TYMS: variants seen among roughly 807,000 people sequenced by gnomAD.
The protein encoded by TYMS is thymidylate synthetase.
A neutral mutation model predicts 39.3 loss-of-function variants in TYMS; 21 were observed. That is an observed-to-expected ratio of 0.54 (90% confidence interval 0.38 to 0.77). TYMS has a LOEUF of 0.77. Among genes scored for constraint, TYMS ranks in the 30% least tolerant of loss-of-function variants. The pLI is 0.00. For missense variants in TYMS, 273 were observed against 406.7 expected (o/e 0.67, Z 2.83); for synonymous variants, 171 against 162.2 (o/e 1.05, Z -0.41).
chr18:670,668 T>TATCTTCCTCTGCTGGTTCCTCAG (rs1567994190), intron 4 of TYMS, 24 bp from the exon 5 acceptor site: 1 of 1,612,044 alleles, frequency 6.2e-7, no homozygotes, highest in South Asian at 1.1e-5. Context: ...CATCCCTCCT[T>TATCTTCCTCTGCTGGTTCCTCAG]ATCTTCCTCT....
chr18:667,239 A>AGATGGTGATGGT (rs1264608229), intron 3 of TYMS, among the ~76,000 whole-genome samples: 1 of 13,450 alleles, frequency 7.4e-5, no homozygotes, highest in Non-Finnish European at 1.2e-4. Context: ...ATGGAGATGG[A>AGATGGTGATGGT]GATGGTGATG....
intron 2 of TYMS, among the ~76,000 whole-genome samples, chr18:659,933 G>A (rs1403416610): frequency 1.3e-5 from 2 of 152,256 alleles, no homozygotes; most frequent in East Asian, 3.9e-4. Flanking sequence ...AATTAGCCAG[G>A]TGTGCTGGTG....
chr18:661,967 A>G (rs566050061), intron 2 of TYMS, among the ~76,000 whole-genome samples, 179 bp from the exon 3 acceptor site: 150 of 152,314 alleles, frequency 9.8e-4, no homozygotes, highest in African/African-American at 3.4e-3. Flanking sequence ...CCTGGGCAAC[A>G]AGAGCGAAAC....
intron 6 of TYMS, 191 bp downstream of exon 6, chr18:671,642 C>CT (rs1365439802): frequency 4.2e-5 from 26 of 615,480 alleles, no homozygotes; most frequent in Non-Finnish European, 2.9e-6. Context: ...ACCATGGGCA[C>CT]TTAACATGTC....
Position 657,774 on chromosome 18 carries a change from G to C in TYMS, c.32G>C (p.Arg11Pro). MPVAGSELPR[R>P]PLPPAAQERD... ...GTGGCCGGCTCGGAGCTGCCGCGCC[G>C]GCCCTTGCCCCCCGCCGCACAGGAG... Residue 11 changes from arginine to proline, a missense_variant, in exon 1 of 7, where the codon CGG (arginine) becomes CCG (proline). Arg to Pro is a moderately radical substitution (Grantham distance 103). Around this residue, in one of 3 missense-constraint regions of TYMS, gnomAD observed 228 missense variants for 326.1 expected, o/e 0.70. Transcript: ENST00000323274. 2.8e-6 allele frequency: 4 copies of C among 1,439,188 alleles called. No homozygotes were observed. Among genetic ancestry groups the C allele is most frequent in the Non-Finnish European group, 3.6e-6 (4 of 1,104,002 alleles). 89.2% of individuals were successfully genotyped at this position (1,439,188 alleles called of 1,614,324 possible).
intron 2 of TYMS, among the ~76,000 whole-genome samples, chr18:661,878 G>A (rs992203630): frequency 2.0e-5 from 3 of 152,216 alleles, no homozygotes; most frequent in African/African-American, 4.8e-5. Context: ...CCAGCTACTC[G>A]GGAGGCTGAG....
intron 4 of TYMS, among the ~76,000 whole-genome samples, chr18:669,684 T>C (rs16948322): frequency 0.4 from 60,106 of 151,816 alleles, 12,978 homozygotes; most frequent in East Asian, 0.68. Context: ...CCAAAAAGGG[T>C]TTTAAATTGC....
chr18:668,040 T>C (rs998111164), intron 3 of TYMS, among the ~76,000 whole-genome samples: 2 of 145,026 alleles, frequency 1.4e-5, no homozygotes, highest in African/African-American at 2.6e-5. Flanking sequence ...CTGGACACAC[T>C]ACCCAGTTTC....
intron 3 of TYMS, among the ~76,000 whole-genome samples, chr18:666,921 A>ATGGTGATGGTGATGGAGATGGTGATGGT (rs2074832063): frequency 3.0e-5 from 1 of 33,482 alleles, no homozygotes; most frequent in Non-Finnish European, 5.9e-5. Context: ...ATGGTGATGG[A>ATGGTGATGGTGATGGAGATGGTGATGGT]GATGGTGATG....
intron 3 of TYMS, among the ~76,000 whole-genome samples, chr18:664,236 C>T (rs1301506135): frequency 6.6e-6 from 1 of 151,914 alleles, no homozygotes; most frequent in Non-Finnish European, 1.5e-5. Flanking sequence ...CCTTCACATC[C>T]CTTTTAAGGT....
rs1477249389 is a variant in TYMS, at chr18:666,257, AAGTT to A, written c.455-2814_455-2811del. 4.0e-5 allele frequency among the ~76,000 whole-genome samples: 6 copies of A among 151,334 alleles called. No homozygotes were observed. In the East Asian group the frequency reaches 9.8e-4, roughly 25 times the overall value. On this transcript the variant is annotated intron_variant, in intron 3 of 6. Coordinates refer to ENST00000323274, the MANE Select transcript of TYMS (RefSeq NM_001071.4). ...GTTGGTGTTCGTGCTGGGGAATGGGAAGTTCATCGGTGGGACAAGGGACAAAATG... is the reference window on the plus strand; with the variant it reads ...GTTGGTGTTCGTGCTGGGGAATGGGACATCGGTGGGACAAGGGACAAAATG...
chr18:666,421 A>T (rs545314878), intron 3 of TYMS, among the ~76,000 whole-genome samples: 11 of 152,222 alleles, frequency 7.2e-5, no homozygotes, highest in African/African-American at 2.6e-4. Flanking sequence ...AAAGAATGAA[A>T]CATCTCACTC....
rs368648823 is a variant in TYMS, at chr18:671,369, C to G, written c.733-11C>G. The G allele has an allele frequency of 1.1e-5, 17 of 1,588,172 alleles. No individual in the cohort carries two copies. Among genetic ancestry groups the G allele is most frequent in the Middle Eastern group, 1.7e-4 (1 of 6,030 alleles). On this transcript the variant is annotated splice_polypyrimidine_tract_variant and intron_variant, in intron 5 of 6. Coordinates refer to ENST00000323274, the MANE Select transcript of TYMS (RefSeq NM_001071.4). ...TAACATACTGTTCTGCTTTCTCCCC[C>G]GGGTTTATAGCCAGGTGACTTTATA...
chr18:668,765 G>A (rs2074913044), intron 3 of TYMS, among the ~76,000 whole-genome samples: 1 of 152,232 alleles, frequency 6.6e-6, no homozygotes, highest in Admixed American at 6.5e-5. Flanking sequence ...AGATTGTTGA[G>A]ATTGGAAAGG....
chr18:671,754 G>A, intron 6 of TYMS: 1 of 372,896 alleles, frequency 2.7e-6, no homozygotes, highest in Admixed American at 4.6e-5. Flanking sequence ...TTAACTTGAA[G>A]GAGAATTGAA....
Position 658,405 on chromosome 18 carries a change from C to A in TYMS, c.205+458C>A. 3 of 1,207,582 alleles carry A rather than the reference C, an allele frequency of 2.5e-6. No homozygotes were observed. Among genetic ancestry groups the A allele is most frequent in the Non-Finnish European group, 2.2e-6 (2 of 929,712 alleles). The allele number at this position is 1,207,582 out of a possible 1,614,324, so 74.8% of individuals were successfully genotyped here. A position where few individuals can be genotyped will look rare whatever the true frequency, so the allele number is the denominator to read the frequency against. On this transcript the variant is annotated intron_variant, in intron 1 of 6. Transcript: ENST00000323274. This position sits in a 1 kb window ranked among gnomAD's most constrained non-coding sequence, Gnocchi z 4.5. ...AAAACTGGAGCGAAAGTGATGTGGG[C>A]GGGGCAAAGGCGGCGGGAAGAGGAG... is the stretch of plus-strand genomic sequence containing the variant.
At position 662,200 on chromosome 18, in the gene TYMS, A is replaced by G; in HGVS notation, c.334A>G (p.Asn112Asp). 6.2e-7 allele frequency: 1 copy of G among 1,614,048 alleles called. No homozygotes were observed. The highest frequency in any genetic ancestry group is 8.5e-7 in the Non-Finnish European group (1 of 1,179,990). Residue 112 changes from asparagine (N) to aspartate (D), a missense_variant, in exon 3 of 7, where the codon AAT becomes GAT. Transcript: ENST00000323274. The stretch of plus-strand genomic sequence containing the variant: ...CAAGGGAGTGAAAATCTGGGATGCC[A>G]ATGGATCCCGAGACTTTTTGGACAG... ...SSKGVKIWDA[N>D]GSRDFLDSLG...
intron 3 of TYMS, among the ~76,000 whole-genome samples, chr18:664,200 T>C (rs962223670): frequency 7.2e-5 from 11 of 152,202 alleles, no homozygotes; most frequent in African/African-American, 2.7e-4. Context: ...CATTGAGCAG[T>C]GGTTTGTAGT....
chr18:666,705 G>A (rs542936997), intron 3 of TYMS, among the ~76,000 whole-genome samples: 1 of 152,358 alleles, frequency 6.6e-6, no homozygotes, highest in Admixed American at 6.5e-5. Flanking sequence ...TTTATGTGCG[G>A]TCATGAGATC....
Sources: gnomAD v4.1 joint callset for allele counts (sites outside exome capture counted in the v4.1 genomes callset) on GRCh38, gnomAD v4.1.1 for gene constraint, gnomAD v4.1.1 regional missense constraint, Gnocchi (gnomAD v3.1) non-coding constraint, MANE v1.5 for transcripts, NCBI Gene and HGNC (gene_info 2026-07-23, HGNC 2026-07-21) for gene names.